KANK1: variants seen among roughly 807,000 people sequenced by gnomAD.
KANK1 encodes KN motif and ankyrin repeat domain-containing protein 1.
In KANK1, 109 loss-of-function variants were observed where a neutral mutation model predicts 106.2. That is an observed-to-expected ratio of 1.03 (90% CI 0.88 to 1.20). The LOEUF (loss-of-function observed/expected upper bound fraction) is 1.20. KANK1 is among the 50% of genes most tolerant of loss of function. The pLI, the probability that KANK1 is intolerant of heterozygous loss-of-function variation, is 0.00. For missense variants in KANK1, 2,399 were observed against 1,710.7 expected, an observed-to-expected ratio of 1.40 and a Z score of -7.10; for synonymous variants, 873 against 652.2, an observed-to-expected ratio of 1.34 and a Z score of -5.16.
At chr9:647,326 T>A (rs1210195710) in intron 1 of KANK1, among the ~76,000 whole-genome samples, 10 of 142,970 alleles carry the variant, frequency 7.0e-5, no homozygotes, top group Non-Finnish European at 1.5e-4. Context: ...TATTACGTAA[T>A]GATGTCTTAT....
At chr9:692,850 A>G (rs1171551135) in intron 2 of KANK1, among the ~76,000 whole-genome samples, 3 of 152,122 alleles carry the variant, frequency 2.0e-5, no homozygotes, top group African/African-American at 4.8e-5. Context: ...CCCCATCACT[A>G]CAAGAAAAAT....
In KANK1 at chr9:643,246, A is replaced by G. The variant is rs1279718167; in HGVS notation, c.-83-33644A>G. Among the ~76,000 whole-genome samples, 2 of 150,858 alleles carry G rather than the reference A, an allele frequency of 1.3e-5. 1 individual carries two copies. Among genetic ancestry groups the G allele is most frequent in the African/African-American group, 5.0e-5 (2 of 40,198 alleles). ...GTGTGTGTCTGTATTTTCTAATGAGAAGATCCATAACTTTCATAAGCATCA... is the reference window on the plus strand; with the variant it reads ...GTGTGTGTCTGTATTTTCTAATGAGGAGATCCATAACTTTCATAAGCATCA... On this transcript the variant is annotated intron_variant, in intron 1 of 11. Transcript: ENST00000382297.
intron 1 of KANK1, among the ~76,000 whole-genome samples, chr9:592,235 GA>G (rs1825095527): frequency 6.6e-6 from 1 of 151,836 alleles, no homozygotes; most frequent in South Asian, 2.1e-4. Flanking sequence ...ATAATAAGGG[GA>G]TGTAAAGGAA....
At chr9:545,743 TTTTTTTTTA>T (rs2060888742) in intron 1 of KANK1, among the ~76,000 whole-genome samples, 2 of 146,780 alleles carry the variant, frequency 1.4e-5, no homozygotes, top group African/African-American at 2.5e-5. Flanking sequence ...TTTTTTTTTT[TTTTTTTTTA>T]AATTCCCTGA....
chr9:586,034 G>A (rs993755077), intron 1 of KANK1, among the ~76,000 whole-genome samples: 1 of 152,208 alleles, frequency 6.6e-6, no homozygotes, highest in African/African-American at 2.4e-5. Context: ...TGTAAGGTGG[G>A]ATGGGAATAA....
rs1457889221 is a variant in KANK1, at chr9:523,421, C to T, written c.-84+18667C>T. On this transcript the variant is annotated intron_variant, in intron 1 of 11. Transcript: ENST00000382297. ...ATCCTCTCTCACCTCAATTACTGCA[C>T]TAGCCTGATACCTGGACTCTCTGCT... Among the ~76,000 whole-genome samples the T allele has an allele frequency of 1.3e-5, 2 of 151,786 alleles. 1 individual carries two copies. Among genetic ancestry groups the T allele is most frequent in the African/African-American group, 4.9e-5 (2 of 41,056 alleles).
chr9:475,235 A>G (rs376304389), intron 3 of KANK1, among the ~76,000 whole-genome samples: 2 of 152,028 alleles, frequency 1.3e-5, no homozygotes, highest in African/African-American at 4.8e-5. Flanking sequence ...GTAAGGGAAG[A>G]AAGCCTCAAG....
intron 1 of KANK1, among the ~76,000 whole-genome samples, chr9:606,251 A>G (rs1279047333): frequency 6.6e-6 from 1 of 151,166 alleles, no homozygotes; most frequent in African/African-American, 2.5e-5. Flanking sequence ...TTTTAAAAAT[A>G]TATATTTTTA....
intron 1 of KANK1, among the ~76,000 whole-genome samples, chr9:517,566 T>A (rs1038710256): frequency 1.3e-5 from 2 of 151,646 alleles, no homozygotes; most frequent in Non-Finnish European, 2.9e-5. Context: ...TTTCCTTTAG[T>A]GAAATCCTAT....
intron 1 of KANK1, among the ~76,000 whole-genome samples, chr9:633,809 C>T (rs981312704): frequency 1.1e-4 from 17 of 152,158 alleles, no homozygotes; most frequent in African/African-American, 4.1e-4. Context: ...CATGCCACCA[C>T]ACCTGGCTAA....
intron 1 of KANK1, among the ~76,000 whole-genome samples, chr9:560,637 A>AAAATGTTTGAGTAGCCCTTTCCC (rs1384348577): frequency 6.6e-6 from 1 of 152,242 alleles, no homozygotes; most frequent in Non-Finnish European, 1.5e-5. Flanking sequence ...ATCACCAGAT[A>AAAATGTTTGAGTAGCCCTTTCCC]AAATGTTTGA....
rs7045793 is a variant in KANK1 at position 673,071 on chromosome 9, G to C, written c.-83-3819G>C. Among the ~76,000 whole-genome samples, 407 of 152,014 alleles carry C rather than the reference G, an allele frequency of 2.7e-3. 2 individuals carry two copies. The highest frequency in any genetic ancestry group is 9.5e-3 in the African/African-American group (393 of 41,416). ...GACATAAGAATCTGCATAGCATTAA[G>C]AAGAATGAGCACTCACAATTTGAGG... On this transcript the variant is annotated intron_variant, in intron 1 of 11. Transcript: ENST00000382297.
intron 7 of KANK1, chr9:735,695 C>G (rs535349614): frequency 5.4e-5 from 22 of 410,244 alleles, no homozygotes; most frequent in South Asian, 3.6e-4. Flanking sequence ...ATTTCTATAT[C>G]ATAATACCTA....
In KANK1 at chr9:596,807, T is replaced by C. The variant is rs563377596; in HGVS notation, c.-83-80083T>C. Among the ~76,000 whole-genome samples the C allele has an allele frequency of 2.0e-5, 3 of 151,966 alleles. No homozygotes were observed. The East Asian group carries it at 5.8e-4, about 29-fold the overall frequency. On this transcript the variant is annotated intron_variant, in intron 1 of 11. Transcript: ENST00000382297. ...GACAATTCAGATGTATTTAGTACAT[T>C]CATAATATTGTGTAGCTGCCACCTC...
At chr9:727,680 ATGTGTGTGTGTGTGTG>A (rs55997819) in intron 3 of KANK1, among the ~76,000 whole-genome samples, 10 of 139,768 alleles carry the variant, frequency 7.2e-5, no homozygotes, top group South Asian at 7.1e-4. Context: ...ATAACTTTTC[ATGTGTGTGTGTGTGTG>A]TGTGTGTGTG....
At chr9:513,055 G>A (rs2059105811) in intron 1 of KANK1, among the ~76,000 whole-genome samples, 1 of 152,208 alleles carries the variant, frequency 6.6e-6, no homozygotes, top group Admixed American at 6.5e-5. Context: ...AATGGTTGAG[G>A]CTTGACAATG....
intron 1 of KANK1, among the ~76,000 whole-genome samples, chr9:611,441 T>C (rs1034701126): frequency 3.3e-5 from 5 of 152,172 alleles, no homozygotes; most frequent in African/African-American, 1.2e-4. Context: ...ATAAAAACCT[T>C]AAGGCCCATG....
At chr9:732,335 G>A (rs370885938) in intron 5 of KANK1, 43 bp from the exon 6 acceptor site, 127 of 1,579,690 alleles carry the variant, frequency 8.0e-5, no homozygotes, top group East Asian at 6.5e-4. Flanking sequence ...CTGGGTCTTC[G>A]TGAGCACACC....
chr9:707,126 C>G (rs1225375684), intron 2 of KANK1: 1 of 985,340 alleles, frequency 1.0e-6, no homozygotes. Flanking sequence ...CAAGTTTACA[C>G]GAATGTTGAA....
Sources: allele counts gnomAD v4.1 joint callset (sites outside exome capture counted in the v4.1 genomes callset), GRCh38; gene constraint gnomAD v4.1.1; transcripts MANE v1.5; gene names NCBI Gene and HGNC (gene_info 2026-07-23, HGNC 2026-07-21).